PTPRM: variants seen among roughly 807,000 people sequenced by gnomAD.
The protein encoded by PTPRM is protein tyrosine phosphatase receptor type M, also known as receptor-type tyrosine-protein phosphatase mu.
A neutral mutation model predicts 186.7 loss-of-function variants in PTPRM; 47 were observed. That is an observed-to-expected ratio of 0.25 (90% CI 0.20 to 0.32). The LOEUF (loss-of-function observed/expected upper bound fraction) is 0.32. Ranked by LOEUF, PTPRM falls within the 10% of genes least tolerant of loss-of-function variation. The pLI, the probability that PTPRM is intolerant of heterozygous loss-of-function variation, is 1.00. For missense variants in PTPRM, 1,494 were observed against 1,865.0 expected (o/e 0.80, Z 3.66); for synonymous variants, 668 against 674.9 (o/e 0.99, Z 0.16).
intron 2 of PTPRM, among the ~76,000 whole-genome samples, chr18:7,830,872 C>T (rs891214964): frequency 7.9e-5 from 12 of 152,090 alleles, no homozygotes; most frequent in Admixed American, 5.9e-4. Context: ...TTTGGATTAA[C>T]GTAGTTTGAT....
intron 30 of PTPRM, 103 bp downstream of exon 30, chr18:8,384,789 T>C: frequency 6.8e-7 from 1 of 1,474,158 alleles, no homozygotes; most frequent in Non-Finnish European, 9.3e-7. Context: ...TTCCAGGAGT[T>C]TGGAGTATGT....
chr18:7,698,183 G>A (rs771954145), intron 1 of PTPRM, among the ~76,000 whole-genome samples: 11 of 152,142 alleles, frequency 7.2e-5, no homozygotes, highest in Non-Finnish European at 1.3e-4. Context: ...CATGTGGTCT[G>A]TTGTTCCCTA....
At chr18:8,138,293 G>T (rs1485756658) in intron 13 of PTPRM, among the ~76,000 whole-genome samples, 1 of 151,078 alleles carries the variant, frequency 6.6e-6, no homozygotes, top group Non-Finnish European at 1.5e-5. Flanking sequence ...CTTGGATACA[G>T]CCACAGCCCC....
rs534606130 is a variant in PTPRM at position 7,999,647 on chromosome 18, A to G, written c.1132+44233A>G. ...GGTGCAAAATTGACAATGGCAAAAT[A>G]CACAATTTTGCACCAACCTAATATA... On this transcript the variant is annotated intron_variant, in intron 7 of 32. Coordinates refer to ENST00000580170, the MANE Select transcript of PTPRM (RefSeq NM_001105244.2). 1.3e-4 allele frequency among the ~76,000 whole-genome samples: 20 copies of G among 151,928 alleles called. No individual in the cohort carries two copies. In the South Asian group the frequency reaches 4.2e-3, roughly 32 times the overall value.
At chr18:7,952,150 A>G (rs2053006387) in intron 6 of PTPRM, among the ~76,000 whole-genome samples, 1 of 152,250 alleles carries the variant, frequency 6.6e-6, no homozygotes, top group African/African-American at 2.4e-5. Flanking sequence ...CATATTTCAT[A>G]CAGTTAAATA....
At chr18:8,285,922 C>A (rs2094952273) in intron 19 of PTPRM, among the ~76,000 whole-genome samples, 1 of 152,086 alleles carries the variant, frequency 6.6e-6, no homozygotes, top group East Asian at 1.9e-4. Context: ...AGCTCGGGGT[C>A]AAGGGCTGCA....
intron 1 of PTPRM, among the ~76,000 whole-genome samples, chr18:7,578,833 C>T (rs1006497583): frequency 6.6e-6 from 1 of 151,992 alleles, no homozygotes; most frequent in Non-Finnish European, 1.5e-5. Context: ...GTCAGGGGCC[C>T]CTGGGGTGAT....
At chr18:7,704,014 G>A (rs2040021863) in intron 1 of PTPRM, among the ~76,000 whole-genome samples, 1 of 152,118 alleles carries the variant, frequency 6.6e-6, no homozygotes, top group East Asian at 1.9e-4. Flanking sequence ...TGCATCCTAG[G>A]GATGAAGTCG....
chr18:8,002,620 A>G (rs867102381), intron 7 of PTPRM, among the ~76,000 whole-genome samples: 4 of 152,208 alleles, frequency 2.6e-5, no homozygotes, highest in African/African-American at 4.8e-5. Flanking sequence ...ACCAGCAAGC[A>G]TCAGCATCCT....
Position 8,319,160 on chromosome 18 carries a change from T to C in PTPRM, c.2920-18T>C. Reference sequence around the variant, plus strand: ...TCGATTTTATGTTTATCAAATATTCTCTTTTATTTATTTTTAGGGTTATCA... The same window carrying C: ...TCGATTTTATGTTTATCAAATATTCCCTTTTATTTATTTTTAGGGTTATCA... On this transcript the variant is annotated intron_variant, in intron 21 of 32. Coordinates refer to ENST00000580170, the MANE Select transcript of PTPRM (RefSeq NM_001105244.2). 1 of 1,492,772 alleles carries C rather than the reference T, an allele frequency of 6.7e-7. No individual in the cohort carries two copies. Among genetic ancestry groups the C allele is most frequent in the Admixed American group, 1.7e-5 (1 of 57,384 alleles). The allele number at this position is 1,492,772 out of a possible 1,614,324, so 92.5% of individuals were successfully genotyped here.
At chr18:7,835,668 T>C (rs776155306) in intron 2 of PTPRM, among the ~76,000 whole-genome samples, 1 of 152,130 alleles carries the variant, frequency 6.6e-6, no homozygotes, top group Non-Finnish European at 1.5e-5. Flanking sequence ...AGTGGGATGT[T>C]GATATCTCCA....
At chr18:7,652,899 ATACTAC>A (rs201151653) in intron 1 of PTPRM, among the ~76,000 whole-genome samples, 3 of 151,864 alleles carry the variant, frequency 2.0e-5, no homozygotes, top group Non-Finnish European at 4.4e-5. Flanking sequence ...AACTTAAAGT[ATACTAC>A]TACTACTACT....
Position 7,568,034 on chromosome 18 carries a change from C to A in PTPRM, c.73+143C>A. On this transcript the variant is annotated intron_variant, in intron 1 of 32. Coordinates refer to ENST00000580170, the MANE Select transcript of PTPRM (RefSeq NM_001105244.2). This position sits in a 1 kb window ranked among gnomAD's most constrained non-coding sequence, Gnocchi z 5.1. ...GCGGCGGGCCGGACACCGCTTCTGC[C>A]TGTGAGCCGGGCGCTGGGCGAGGGG... is the stretch of plus-strand genomic sequence containing the variant. 1 of 772,772 alleles carries A rather than the reference C, an allele frequency of 1.3e-6. No homozygotes were observed. The highest frequency in any genetic ancestry group is 1.8e-6 in the Non-Finnish European group (1 of 557,318). 47.9% of individuals were successfully genotyped at this position (772,772 alleles called of 1,614,324 possible). A position where few individuals can be genotyped will look rare whatever the true frequency, so the allele number is the denominator to read the frequency against.
chr18:8,222,327 G>A (rs2094162964), intron 14 of PTPRM, among the ~76,000 whole-genome samples: 1 of 152,140 alleles, frequency 6.6e-6, no homozygotes, highest in Non-Finnish European at 1.5e-5. Flanking sequence ...GAAAGTTTTT[G>A]TCTCATTTTT....
intron 2 of PTPRM, among the ~76,000 whole-genome samples, chr18:7,882,240 AAAC>A (rs2048546234): frequency 6.6e-6 from 1 of 152,188 alleles, no homozygotes; most frequent in Non-Finnish European, 1.5e-5. Context: ...TTGTGTGACT[AAAC>A]AATTTCATTT....
chr18:8,038,186 G>T (rs2086457608), intron 7 of PTPRM, among the ~76,000 whole-genome samples: 1 of 151,722 alleles, frequency 6.6e-6, no homozygotes, highest in African/African-American at 2.4e-5. Context: ...CTCTAACCCT[G>T]GTATCTTCAG....
rs542602467 is a variant in PTPRM, at chr18:8,152,442, C to G, written c.2300+8663C>G. On this transcript the variant is annotated intron_variant, in intron 14 of 32. Transcript: ENST00000580170. ...GTTCTGTTCTAGTCAAGCCCCAGGA[C>G]AAACCGTTGCTCTGTCACAGCTGTG... Among the ~76,000 whole-genome samples the G allele has an allele frequency of 6.6e-5, 10 of 152,298 alleles. No homozygotes were observed. The South Asian group carries it at 2.1e-3, about 32-fold the overall frequency.
chr18:7,747,695 A>T (rs2041027627), intron 1 of PTPRM: 1 of 152,078 alleles, frequency 6.6e-6, no homozygotes, highest in African/African-American at 2.4e-5. Context: ...TCCACCTTGT[A>T]TTAGAATACA....
chr18:8,235,412 A>G (rs2094333062), intron 14 of PTPRM, among the ~76,000 whole-genome samples: 1 of 148,966 alleles, frequency 6.7e-6, no homozygotes, highest in Non-Finnish European at 1.5e-5. Flanking sequence ...GGGATCTGTA[A>G]TAATGTCCCC....
Sources: gnomAD v4.1 joint callset for allele counts (sites outside exome capture counted in the v4.1 genomes callset) on GRCh38, gnomAD v4.1.1 for gene constraint, Gnocchi (gnomAD v3.1) non-coding constraint, MANE v1.5 for transcripts, NCBI Gene and HGNC (gene_info 2026-07-23, HGNC 2026-07-21) for gene names.